The following LVRN variants were observed in gnomAD, a reference collection of about 807,000 sequenced individuals.
The protein encoded by LVRN is aminopeptidase Q.
In LVRN, 99 loss-of-function variants were observed where a neutral mutation model predicts 111.4. The ratio of observed to expected loss-of-function variants is 0.89; its 90% CI spans 0.76 to 1.05. The LOEUF is 1.05. Among genes scored for constraint, LVRN ranks in the 50% least tolerant of loss-of-function variants. LVRN has a pLI of 0.00. For missense variants in LVRN, 1,414 were observed against 1,206.8 expected, an observed-to-expected ratio of 1.17 and a Z score of -2.54; for synonymous variants, 488 against 449.5, an observed-to-expected ratio of 1.09 and a Z score of -1.08.
intron 18 of LVRN, among the ~76,000 whole-genome samples, chr5:116,019,411 C>T (rs1384697353): frequency 6.6e-6 from 1 of 152,086 alleles, no homozygotes; most frequent in Non-Finnish European, 1.5e-5. Context: ...TAAACAGGCA[C>T]ATCATTATCA....
At position 116,010,813 on chromosome 5, in the gene LVRN, A is replaced by G. The variant is rs1748473406; in HGVS notation, c.2166A>G (p.Val722=). ...KYLAEEDEII[V]WHTVLVNLVT... ...TTGCTGAAGAAGATGAAATTATAGT[A>G]TGGCATACAGTCTTGGTAAACTTGG... Residue 722 remains valine (V), a synonymous_variant, in exon 14 of 20, where the codon GTA becomes GTG. Transcript: ENST00000357872. The G allele has an allele frequency of 1.2e-6, 2 of 1,612,680 alleles. No homozygotes were observed. The highest frequency in any genetic ancestry group is 1.7e-6 in the Non-Finnish European group (2 of 1,179,212).
intron 1 of LVRN, chr5:115,974,870 G>T: frequency 1.7e-5 from 7 of 406,436 alleles, no homozygotes; most frequent in South Asian, 1.1e-4. Flanking sequence ...GCTCTCTCCC[G>T]ACCAATCTCT....
intron 2 of LVRN, among the ~76,000 whole-genome samples, 200 bp from the exon 3 acceptor site, chr5:115,984,370 G>A (rs1041434304): frequency 1.3e-5 from 2 of 152,120 alleles, no homozygotes; most frequent in African/African-American, 2.4e-5. Context: ...TCAAAATGCT[G>A]ATTCAGGCCC....
intron 12 of LVRN, among the ~76,000 whole-genome samples, chr5:116,003,588 T>TTTTTTTTG (rs1491511901): frequency 4.2e-3 from 57 of 13,636 alleles, no homozygotes; most frequent in Admixed American, 0.021. Flanking sequence ...GTTTTTTTTG[T>TTTTTTTTG]TTTTTTTTTT....
intron 1 of LVRN, among the ~76,000 whole-genome samples, chr5:115,967,752 G>T (rs1753232994): frequency 6.6e-6 from 1 of 152,070 alleles, no homozygotes; most frequent in African/African-American, 2.4e-5. Flanking sequence ...CATTTATTTA[G>T]ATCTTTGATT....
intron 3 of LVRN, 143 bp from the exon 4 acceptor site, chr5:115,987,670 G>A (rs180929351): frequency 4.5e-5 from 43 of 947,404 alleles, no homozygotes; most frequent in African/African-American, 3.7e-4. Flanking sequence ...CTCAGGACAT[G>A]TAAGCATGCA....
At chr5:116,011,537 T>C (rs2112626069) in intron 14 of LVRN, among the ~76,000 whole-genome samples, 1 of 152,176 alleles carries the variant, frequency 6.6e-6, no homozygotes, top group East Asian at 1.9e-4. Flanking sequence ...TTTGGGGAGT[T>C]AGGGGTCACA....
In LVRN at chr5:116,000,493, C is replaced by T. The variant is rs1344080947; in HGVS notation, c.1576C>T (p.Leu526Phe). The change falls in exon 8 of 20, where the codon CTC (leucine) becomes TTC (phenylalanine). Residue 526 changes from leucine to phenylalanine, a missense_variant. Leu to Phe is a conservative substitution (Grantham distance 22). Transcript: ENST00000357872. ...GAATGAGCATTTATTTGTCAGTGCA[C>T]TCAAGGTGAGTTTGCAAAATAGTCG... ...FLNEHLFVSA[L>F]KSYLKTFSYS... 2 of 1,614,084 alleles carry T rather than the reference C, an allele frequency of 1.2e-6. No individual in the cohort carries two copies. Among genetic ancestry groups the T allele is most frequent in the East Asian group, 2.2e-5 (1 of 44,874 alleles).
intron 5 of LVRN, 46 bp from the exon 6 acceptor site, chr5:115,993,695 A>C (rs1264384089): frequency 1.6e-6 from 2 of 1,275,360 alleles, no homozygotes; most frequent in South Asian, 2.6e-5. Context: ...ATATAACTTA[A>C]AAATTAAATT....
Position 115,962,640 on chromosome 5 carries a change from G to A in LVRN, c.23G>A (p.Gly8Asp). The A allele has an allele frequency of 6.2e-7, 1 of 1,604,298 alleles. No homozygotes were observed. The highest frequency in any genetic ancestry group is 1.1e-5 in the South Asian group (1 of 90,708). Residue 8 changes from glycine (G) to aspartate (D), a missense_variant, in exon 1 of 20, where the codon GGC becomes GAC. Coordinates refer to ENST00000357872, the MANE Select transcript of LVRN (RefSeq NM_173800.5). ...GCCATGGGGCCCCCTTCCAGCTCAG[G>A]CTTCTATGTGAGCCGCGCAGTGGCC... is the stretch of plus-strand genomic sequence containing the variant. MGPPSSS[G>D]FYVSRAVALL...
In LVRN at chr5:115,962,871, G is replaced by A. The variant is rs577971371; in HGVS notation, c.254G>A (p.Ser85Asn). The change falls in exon 1 of 20, where the codon AGC becomes AAC. Residue 85 changes from serine to asparagine, a missense_variant. By Grantham distance (46) the Ser-to-Asn change is conservative. Transcript: ENST00000357872. ...ARELAVTTTPSNWRPPGPWDQ... is the reference protein window; with the variant it reads ...ARELAVTTTPNNWRPPGPWDQ... ...GAGCTAGCGGTGACGACCACCCCGA[G>A]CAACTGGCGACCCCCGGGGCCCTGG... The A allele has an allele frequency of 6.2e-7, 1 of 1,612,958 alleles. No individual in the cohort carries two copies. Among genetic ancestry groups the A allele is most frequent in the Non-Finnish European group, 8.5e-7 (1 of 1,179,744 alleles).
chr5:115,980,664 T>G lies in LVRN; in HGVS notation c.696-2623T>G, dbSNP rs190549333. ...CACCTTGCAGTCTCTTTGAGATTCA[T>G]AAGCTTTGTGAGGTCATGGCAGCTG... On this transcript the variant is annotated intron_variant, in intron 1 of 19. Transcript: ENST00000357872. Among the ~76,000 whole-genome samples, 13 of 152,292 alleles carry G rather than the reference T, an allele frequency of 8.5e-5. No individual in the cohort carries two copies. In the East Asian group the frequency reaches 2.5e-3, roughly 29 times the overall value.
intron 1 of LVRN, among the ~76,000 whole-genome samples, chr5:115,964,970 C>T (rs1456701930): frequency 6.6e-6 from 1 of 152,178 alleles, no homozygotes; most frequent in Non-Finnish European, 1.5e-5. Context: ...AGAAGGATGG[C>T]TTGTGGTACG....
In LVRN at chr5:115,963,291, A is replaced by C. The variant is rs371513965; in HGVS notation, c.674A>C (p.Tyr225Ser). The change falls in exon 1 of 20, where the codon TAC becomes TCC. Residue 225 changes from tyrosine to serine, a missense_variant. Coordinates refer to ENST00000357872, the MANE Select transcript of LVRN (RefSeq NM_173800.5). ...AGGGAGGGACTCTTCCTCAACGTCT[A>C]CACCGACCAGGGCGAGCGCAGGTAA... ...DLREGLFLNV[Y>S]TDQGERRALL... The C allele has an allele frequency of 6.2e-7, 1 of 1,610,480 alleles. No homozygotes were observed. Among genetic ancestry groups the C allele is most frequent in the Non-Finnish European group, 8.5e-7 (1 of 1,178,828 alleles).
At chr5:116,016,260 A>T (rs1748600030) in intron 18 of LVRN, among the ~76,000 whole-genome samples, 2 of 152,316 alleles carry the variant, frequency 1.3e-5, no homozygotes, top group East Asian at 3.9e-4. Flanking sequence ...CTAAAATTTT[A>T]TTTATAGTCA....
intron 1 of LVRN, chr5:115,974,921 C>A: frequency 2.1e-6 from 1 of 476,996 alleles, no homozygotes; most frequent in South Asian, 1.6e-5. Flanking sequence ...TGATATATTT[C>A]CAAGTATTAG....
chr5:115,989,436 C>T (rs1422520663), intron 4 of LVRN, among the ~76,000 whole-genome samples: 1 of 152,186 alleles, frequency 6.6e-6, no homozygotes, highest in African/African-American at 2.4e-5. Flanking sequence ...CTCAGTGCCT[C>T]CTCATCCAGG....
chr5:116,014,004 C>A (rs1748544624), intron 15 of LVRN, among the ~76,000 whole-genome samples: 1 of 152,120 alleles, frequency 6.6e-6, no homozygotes, highest in African/African-American at 2.4e-5. Context: ...CTTTCCCTTT[C>A]TTTTATAGAG....
chr5:116,018,036 C>T (rs1019872730), intron 18 of LVRN, among the ~76,000 whole-genome samples: 37 of 151,158 alleles, frequency 2.4e-4, no homozygotes, highest in African/African-American at 7.8e-4. Flanking sequence ...CAAGGCAGGA[C>T]GATCACTTTA....
Sources: allele counts gnomAD v4.1 joint callset (sites outside exome capture counted in the v4.1 genomes callset), GRCh38; gene constraint gnomAD v4.1.1; transcripts MANE v1.5; gene names NCBI Gene and HGNC (gene_info 2026-07-23, HGNC 2026-07-21).